Variants in PLXNA4 observed in about 807,000 individuals in gnomAD.
PLXNA4 encodes the protein plexin A4, also known as plexin-A4.
In PLXNA4, 44 loss-of-function variants were observed where a neutral mutation model predicts 191.8. The observed-to-expected ratio is 0.23, with a 90% CI of 0.18 to 0.29. PLXNA4 has a LOEUF of 0.29. PLXNA4 is among the 10% of genes least tolerant of loss of function. The pLI is 1.00. For missense variants in PLXNA4, 1,800 were observed against 2,488.8 expected, an observed-to-expected ratio of 0.72 and a Z score of 5.89; for synonymous variants, 1,082 against 1,009.5, an observed-to-expected ratio of 1.07 and a Z score of -1.36.
chr7:132,176,582 CAG>C (rs1184581747), intron 20 of PLXNA4, among the ~76,000 whole-genome samples: 3 of 147,524 alleles, frequency 2.0e-5, no homozygotes, highest in African/African-American at 7.7e-5. Flanking sequence ...GTGAGTATGA[CAG>C]TGTGTGAGCA....
intron 2 of PLXNA4, among the ~76,000 whole-genome samples, chr7:132,594,072 T>C (rs997591427): frequency 8.5e-5 from 13 of 152,224 alleles, no homozygotes; most frequent in African/African-American, 2.9e-4. Flanking sequence ...GTGGGTTGAA[T>C]TGTGTCCCCC....
At chr7:132,430,330 G>T (rs1435372909) in intron 3 of PLXNA4, among the ~76,000 whole-genome samples, 1 of 152,102 alleles carries the variant, frequency 6.6e-6, no homozygotes, top group Non-Finnish European at 1.5e-5. Context: ...ACCCAGCACC[G>T]CATGAGGCAC....
chr7:132,150,176 T>C (rs1234179983), intron 25 of PLXNA4, among the ~76,000 whole-genome samples: 1 of 152,192 alleles, frequency 6.6e-6, no homozygotes, highest in African/African-American at 2.4e-5. Context: ...TCATGGTGAT[T>C]ATGGTCTGGG....
chr7:132,476,510 C>T (rs1797135734), intron 3 of PLXNA4, among the ~76,000 whole-genome samples: 1 of 152,196 alleles, frequency 6.6e-6, no homozygotes, highest in Non-Finnish European at 1.5e-5. Flanking sequence ...AGTCTCTTGC[C>T]TTTTCCAGAG....
intron 1 of PLXNA4, among the ~76,000 whole-genome samples, chr7:132,567,992 G>A (rs1459272582): frequency 1.3e-5 from 2 of 152,068 alleles, no homozygotes; most frequent in Non-Finnish European, 2.9e-5. Flanking sequence ...AGTATCTAAT[G>A]GACAAGAGAG....
chr7:132,222,773 G>C (rs1798189743), intron 9 of PLXNA4, among the ~76,000 whole-genome samples: 1 of 152,224 alleles, frequency 6.6e-6, no homozygotes, highest in Admixed American at 6.5e-5. Flanking sequence ...TAGGCAGAAA[G>C]TATTTTTGGT....
intron 21 of PLXNA4, among the ~76,000 whole-genome samples, chr7:132,173,275 GAGGAGCAAAGACC>G (rs1796349084): frequency 6.6e-6 from 1 of 152,200 alleles, no homozygotes; most frequent in African/African-American, 2.4e-5. Flanking sequence ...AGGACTGGGG[GAGGAGCAAAGACC>G]AGGAGCAAGA....
At chr7:132,593,171 G>A (rs1320609759) in intron 2 of PLXNA4, among the ~76,000 whole-genome samples, 1 of 152,216 alleles carries the variant, frequency 6.6e-6, no homozygotes, top group Admixed American at 6.5e-5. Context: ...TTCTGCCAGT[G>A]GGGAAGCTGT....
intron 1 of PLXNA4, among the ~76,000 whole-genome samples, chr7:132,514,154 C>T (rs1798847602): frequency 6.6e-6 from 1 of 150,410 alleles, no homozygotes; most frequent in Non-Finnish European, 1.5e-5. Context: ...TGGGTTCATG[C>T]CATTCTCCTA....
intron 1 of PLXNA4, among the ~76,000 whole-genome samples, chr7:132,557,782 A>G (rs991966502): frequency 2.0e-5 from 3 of 152,150 alleles, no homozygotes; most frequent in African/African-American, 7.2e-5. Context: ...TCACCAAGAC[A>G]TGGACATCAC....
intron 3 of PLXNA4, among the ~76,000 whole-genome samples, chr7:132,462,614 T>G (rs985502389): frequency 6.6e-6 from 1 of 151,914 alleles, no homozygotes; most frequent in African/African-American, 2.4e-5. Context: ...AAATAATTAT[T>G]ATTATTTTGT....
chr7:132,425,793 G>T (rs1489764483), intron 3 of PLXNA4, among the ~76,000 whole-genome samples: 1 of 152,234 alleles, frequency 6.6e-6, no homozygotes, highest in Non-Finnish European at 1.5e-5. Flanking sequence ...TCTCATTTGT[G>T]CTTCCTATTA....
At chr7:132,482,987 G>A (rs1395959481) in intron 3 of PLXNA4, among the ~76,000 whole-genome samples, 4 of 151,986 alleles carry the variant, frequency 2.6e-5, no homozygotes, top group South Asian at 2.1e-4. Flanking sequence ...CACCGCGCCC[G>A]GCCGAGAGAC....
chr7:132,424,144 A>G (rs931089009), intron 3 of PLXNA4, among the ~76,000 whole-genome samples: 2 of 152,132 alleles, frequency 1.3e-5, no homozygotes, highest in African/African-American at 4.8e-5. Flanking sequence ...CCAGGGTCTC[A>G]GTGACTCCCC....
At chr7:132,247,184 T>G (rs528417071) in intron 4 of PLXNA4, among the ~76,000 whole-genome samples, 1 of 152,328 alleles carries the variant, frequency 6.6e-6, no homozygotes, top group African/African-American at 2.4e-5. Context: ...TTCTGCTGAT[T>G]ACATTCAGAA....
chr7:132,195,291 G>T (rs1306299732), intron 13 of PLXNA4, among the ~76,000 whole-genome samples: 1 of 152,010 alleles, frequency 6.6e-6, no homozygotes, highest in Non-Finnish European at 1.5e-5. Flanking sequence ...GACACGGCTC[G>T]ACTTTTTTCT....
At position 132,619,140 on chromosome 7, in the gene PLXNA4, C is replaced by T. The variant is rs148794012; in HGVS notation, c.-87+26788G>A. 6.6e-5 allele frequency among the ~76,000 whole-genome samples: 10 copies of T among 152,164 alleles called. No homozygotes were observed. In the East Asian group the frequency reaches 7.7e-4, roughly 12 times the overall value. Reference sequence around the variant, plus strand: ...AAAAAACCTTCTTAACCAAGATTTCCGCCTGTTTTGAATCCTTAGGAAAAA... The same window carrying T: ...AAAAAACCTTCTTAACCAAGATTTCTGCCTGTTTTGAATCCTTAGGAAAAA... On this transcript the variant is annotated intron_variant, in intron 2 of 4. Transcript: ENST00000378539.
At chr7:132,312,637 G>A (rs929894890) in intron 3 of PLXNA4, among the ~76,000 whole-genome samples, 1 of 152,182 alleles carries the variant, frequency 6.6e-6, no homozygotes, top group African/African-American at 2.4e-5. Context: ...TGCAGTGATT[G>A]AAAGCATGGG....
At chr7:132,490,082 G>A (rs907426944) in intron 2 of PLXNA4, among the ~76,000 whole-genome samples, 2 of 152,210 alleles carry the variant, frequency 1.3e-5, no homozygotes, top group Non-Finnish European at 2.9e-5. Flanking sequence ...AGCAATGGGG[G>A]AAGGAATGTG....
Sources: allele counts gnomAD v4.1 joint callset (sites outside exome capture counted in the v4.1 genomes callset), GRCh38; gene constraint gnomAD v4.1.1; transcripts MANE v1.5; gene names NCBI Gene and HGNC (gene_info 2026-07-23, HGNC 2026-07-21).